CHD9: variants seen among roughly 807,000 people sequenced by gnomAD.
The protein encoded by CHD9 is chromodomain helicase DNA binding protein 9, also known as ATP-dependent chromatin remodeler CHD9.
In CHD9, 77 loss-of-function variants were observed where a neutral mutation model predicts 316.1. The ratio of observed to expected loss-of-function variants is 0.24; its 90% CI spans 0.20 to 0.29. CHD9 has a LOEUF of 0.29. Among genes scored for constraint, CHD9 ranks in the 10% least tolerant of loss-of-function variants. The pLI is 1.00. For missense variants in CHD9, 2,763 were observed against 3,438.1 expected (o/e 0.80, Z 4.91); for synonymous variants, 1,129 against 1,158.3 (o/e 0.97, Z 0.51).
At chr16:53,201,208 T>C (rs2045425759) in intron 2 of CHD9, among the ~76,000 whole-genome samples, 1 of 152,202 alleles carries the variant, frequency 6.6e-6, no homozygotes, top group Admixed American at 6.5e-5. Flanking sequence ...GTAGTGAACT[T>C]GGTGAGGTTT....
chr16:53,184,842 C>G (rs1037494502), intron 2 of CHD9, among the ~76,000 whole-genome samples: 1 of 152,016 alleles, frequency 6.6e-6, no homozygotes, highest in Non-Finnish European at 1.5e-5. Context: ...TTAGTTCTCA[C>G]GAGATCTCAC....
chr16:53,157,647 A>G (rs1321739588), intron 2 of CHD9, 106 bp downstream of exon 2: 11 of 1,094,262 alleles, frequency 1.0e-5, no homozygotes, highest in South Asian at 1.6e-5. Context: ...AAACTTGGTA[A>G]TTCCATTAAG....
chr16:53,321,036 A>C, intron 37 of CHD9: 1 of 335,314 alleles, frequency 3.0e-6, no homozygotes, highest in Non-Finnish European at 5.8e-6. Context: ...AGTACTTAGC[A>C]CAATACTTGC....
chr16:53,238,637 G>A (rs2048827693), intron 12 of CHD9, 51 bp downstream of exon 12: 13 of 1,573,378 alleles, frequency 8.3e-6, no homozygotes, highest in African/African-American at 1.4e-5. Context: ...GGCTGAAAAA[G>A]ATAAGCATTA....
chr16:53,191,978 A>G (rs999779298), intron 2 of CHD9, among the ~76,000 whole-genome samples: 1 of 150,320 alleles, frequency 6.7e-6, no homozygotes, highest in Non-Finnish European at 1.5e-5. Flanking sequence ...TTTGTATCTC[A>G]TTATGATTTT....
chr16:53,134,543 G>T (rs895045099), intron 1 of CHD9, among the ~76,000 whole-genome samples: 1 of 152,038 alleles, frequency 6.6e-6, no homozygotes, highest in Non-Finnish European at 1.5e-5. Context: ...GAATAAAATC[G>T]TATCTTGTCC....
At chr16:53,081,239 C>T (rs2034989484) in intron 1 of CHD9, among the ~76,000 whole-genome samples, 1 of 152,234 alleles carries the variant, frequency 6.6e-6, no homozygotes, top group African/African-American at 2.4e-5. Flanking sequence ...CAGTTCAGGA[C>T]AGTCTTTGGT....
intron 35 of CHD9, 140 bp from the exon 36 acceptor site, chr16:53,314,683 A>G (rs2056746575): frequency 3.0e-6 from 3 of 990,252 alleles, no homozygotes; most frequent in Non-Finnish European, 4.4e-6. Context: ...TCCAAGAGTG[A>G]TAAAAATTTT....
chr16:53,165,776 A>G (rs1441290305), intron 2 of CHD9, among the ~76,000 whole-genome samples: 1 of 152,058 alleles, frequency 6.6e-6, no homozygotes, highest in Non-Finnish European at 1.5e-5. Context: ...ATAGCATACT[A>G]TTTTAAAAAA....
chr16:53,253,931 C>G (rs1398813365), intron 17 of CHD9, among the ~76,000 whole-genome samples: 1 of 152,194 alleles, frequency 6.6e-6, no homozygotes, highest in African/African-American at 2.4e-5. Context: ...AATCCCAGCA[C>G]TTTGGGAGGT....
At chr16:53,318,404 C>T in intron 37 of CHD9, 64 bp downstream of exon 37, 1 of 1,305,416 alleles carries the variant, frequency 7.7e-7, no homozygotes, top group Non-Finnish European at 1.0e-6. Context: ...CTCCAGAACA[C>T]TATTTCATTA....
At chr16:53,280,439 C>T (rs925236310) in intron 24 of CHD9, among the ~76,000 whole-genome samples, 5 of 151,726 alleles carry the variant, frequency 3.3e-5, no homozygotes, top group Admixed American at 3.3e-4. Flanking sequence ...AAAAACCAAA[C>T]GTTATATGTT....
intron 1 of CHD9, among the ~76,000 whole-genome samples, chr16:53,057,984 G>A (rs966805833): frequency 5.3e-5 from 8 of 152,168 alleles, no homozygotes; most frequent in African/African-American, 1.7e-4. Flanking sequence ...AGAAGGCTGC[G>A]ATGTGCCTTA....
chr16:53,303,319 T>C (rs560183729), intron 30 of CHD9, among the ~76,000 whole-genome samples: 80 of 152,186 alleles, frequency 5.3e-4, no homozygotes, highest in Middle Eastern at 3.4e-3. Context: ...TGAACACTTC[T>C]AATTTATAAG....
rs1318345762 is a variant in CHD9 at position 53,255,660 on chromosome 16, A to G, written c.4090A>G (p.Ile1364Val). Reference protein sequence around the residue: ...DLLRRGAYGAIMEEEDEGSKF... With the variant: ...DLLRRGAYGAVMEEEDEGSKF... ...GCTTCGAAGAGGTGCTTATGGTGCT[A>G]TTATGGAGGAAGAAGATGAAGGCTC... is the stretch of plus-strand genomic sequence containing the variant. The change falls in exon 19 of 39, where the codon ATT becomes GTT. Residue 1364 changes from isoleucine (I) to valine (V), a missense_variant. Physicochemically the swap from Ile to Val is conservative, Grantham distance 29. Coordinates refer to ENST00000447540, the MANE Select transcript of CHD9 (RefSeq NM_001308319.2). 4 of 1,613,756 alleles carry G rather than the reference A, an allele frequency of 2.5e-6. No homozygotes were observed. Among genetic ancestry groups the G allele is most frequent in the African/African-American group, 2.7e-5 (2 of 74,930 alleles).
At chr16:53,233,104 T>C (rs946081719) in intron 10 of CHD9, among the ~76,000 whole-genome samples, 10 of 152,146 alleles carry the variant, frequency 6.6e-5, no homozygotes, top group Admixed American at 1.3e-4. Flanking sequence ...TACCCAGATA[T>C]AGCATCAGAT....
At chr16:53,160,171 A>G (rs2041813333) in intron 2 of CHD9, among the ~76,000 whole-genome samples, 1 of 152,074 alleles carries the variant, frequency 6.6e-6, no homozygotes, top group Non-Finnish European at 1.5e-5. Flanking sequence ...TTGACCAATC[A>G]TTTTTGTCCA....
rs182446364 is a variant in CHD9 at position 53,116,702 on chromosome 16, G to A, written c.-164-39224G>A. Among the ~76,000 whole-genome samples, 148 of 152,250 alleles carry A rather than the reference G, an allele frequency of 9.7e-4. No individual in the cohort carries two copies. The Middle Eastern group carries it at 0.024, about 24-fold the overall frequency. ...AGACATAGAACCAGAAATACCATTT[G>A]ACCCAGTAATCCCATTACTGAGTAT... On this transcript the variant is annotated intron_variant, in intron 1 of 38. Coordinates refer to ENST00000447540, the MANE Select transcript of CHD9 (RefSeq NM_001308319.2).
intron 34 of CHD9, among the ~76,000 whole-genome samples, chr16:53,309,493 C>T (rs1005793961): frequency 1.3e-5 from 2 of 152,150 alleles, no homozygotes; most frequent in African/African-American, 2.4e-5. Context: ...TCAGATCTCC[C>T]CTACAAACTA....
Sources: gnomAD v4.1 joint callset for allele counts (sites outside exome capture counted in the v4.1 genomes callset) on GRCh38, gnomAD v4.1.1 for gene constraint, MANE v1.5 for transcripts, NCBI Gene and HGNC (gene_info 2026-07-23, HGNC 2026-07-21) for gene names.